The following CAMKMT variants were observed in gnomAD, a reference collection of about 807,000 sequenced individuals.
The protein encoded by CAMKMT is CaM KMT.
A neutral mutation model predicts 48.0 loss-of-function variants in CAMKMT; 53 were observed. The ratio of observed to expected loss-of-function variants is 1.10; its 90% confidence interval spans 0.89 to 1.39. CAMKMT has a LOEUF of 1.39. CAMKMT is among the 40% of genes most tolerant of loss of function. CAMKMT has a pLI of 0.00. For synonymous variants in CAMKMT, 165 were observed against 152.3 expected (o/e 1.08, Z -0.61); for missense variants, 428 against 402.7 (o/e 1.06, Z -0.54).
At chr2:44,672,072 A>G in intron 3 of CAMKMT, among the ~76,000 whole-genome samples, 1 of 152,044 alleles carries the variant, frequency 6.6e-6, no homozygotes, top group Non-Finnish European at 1.5e-5. Flanking sequence ...ACTCAATACC[A>G]TTCTCCCTGA....
chr2:44,564,359 G>T (rs1273583729), intron 3 of CAMKMT, among the ~76,000 whole-genome samples: 1 of 151,768 alleles, frequency 6.6e-6, no homozygotes. Context: ...ATTTTTAATA[G>T]AAACGGGGTT....
intron 3 of CAMKMT, among the ~76,000 whole-genome samples, chr2:44,444,766 G>T (rs1666878281): frequency 6.6e-6 from 1 of 152,182 alleles, no homozygotes; most frequent in Non-Finnish European, 1.5e-5. Context: ...GGGGAAGTAA[G>T]AGCATGGGAG....
At chr2:44,706,580 C>T (rs889745250) in intron 5 of CAMKMT, among the ~76,000 whole-genome samples, 1 of 151,860 alleles carries the variant, frequency 6.6e-6, no homozygotes, top group Non-Finnish European at 1.5e-5. Context: ...ACATTCCAGG[C>T]CTCGCACAGT....
chr2:44,750,505 AG>A (rs769041960), intron 8 of CAMKMT, among the ~76,000 whole-genome samples: 4 of 152,308 alleles, frequency 2.6e-5, no homozygotes, highest in Non-Finnish European at 4.4e-5. Context: ...TTTATTAAGT[AG>A]AAGACAGTCC....
At chr2:44,519,865 CT>C (rs1671012508) in intron 3 of CAMKMT, among the ~76,000 whole-genome samples, 1 of 152,114 alleles carries the variant, frequency 6.6e-6, no homozygotes, top group Non-Finnish European at 1.5e-5. Context: ...CCTCAGCCTC[CT>C]GAGTAGCTGG....
intron 3 of CAMKMT, among the ~76,000 whole-genome samples, chr2:44,600,743 C>G (rs1670937846): frequency 6.6e-6 from 1 of 152,030 alleles, no homozygotes; most frequent in African/African-American, 2.4e-5. Flanking sequence ...TTTGTTATTC[C>G]TATAGTTTTT....
intron 7 of CAMKMT, among the ~76,000 whole-genome samples, chr2:44,720,657 A>G (rs1413160693): frequency 6.6e-6 from 1 of 152,206 alleles, no homozygotes; most frequent in Non-Finnish European, 1.5e-5. Context: ...GCAGTGAGAC[A>G]CATCTTTACA....
At position 44,772,214 on chromosome 2, in the gene CAMKMT, T is replaced by C; in HGVS notation, c.*101T>C. The C allele has an allele frequency of 1.1e-6, 1 of 926,906 alleles. No individual in the cohort carries two copies. The highest frequency in any genetic ancestry group is 1.7e-6 in the Non-Finnish European group (1 of 591,960). 57.4% of individuals were successfully genotyped at this position (926,906 alleles called of 1,614,324 possible). A position where few individuals can be genotyped will look rare whatever the true frequency, so the allele number is the denominator to read the frequency against. Reference sequence around the variant, plus strand: ...GGGGTATAATCGCCTGCCTGCGCCCTTTGCAGCATTTCACGTGTGGGCTAT... The same window carrying C: ...GGGGTATAATCGCCTGCCTGCGCCCCTTGCAGCATTTCACGTGTGGGCTAT... On this transcript the variant is annotated 3_prime_UTR_variant, in exon 11 of 11. Coordinates refer to ENST00000378494, the MANE Select transcript of CAMKMT (RefSeq NM_024766.5).
intron 3 of CAMKMT, among the ~76,000 whole-genome samples, chr2:44,530,675 T>G (rs1442367099): frequency 6.6e-6 from 1 of 152,120 alleles, no homozygotes; most frequent in Non-Finnish European, 1.5e-5. Context: ...GATGAATTAT[T>G]TAGTATTTTT....
intron 3 of CAMKMT, among the ~76,000 whole-genome samples, chr2:44,544,476 T>C (rs1667288623): frequency 6.6e-6 from 1 of 152,216 alleles, no homozygotes; most frequent in African/African-American, 2.4e-5. Flanking sequence ...GTCAGATTTC[T>C]CTTGCTGTTT....
rs187202468 is a variant in CAMKMT, at chr2:44,740,850, T to G, written c.624-2772T>G. Reference sequence around the variant, plus strand: ...AAAGATAAATATTAGGGAAGTGGGATAGTGACATGGTGATAAGATCAGTGT... The same window carrying G: ...AAAGATAAATATTAGGGAAGTGGGAGAGTGACATGGTGATAAGATCAGTGT... On this transcript the variant is annotated intron_variant, in intron 7 of 10. Transcript: ENST00000378494. Among the ~76,000 whole-genome samples, 232 of 152,196 alleles carry G rather than the reference T, an allele frequency of 1.5e-3. 1 individual carries two copies. Among genetic ancestry groups the G allele is most frequent in the Non-Finnish European group, 2.7e-3 (184 of 67,994 alleles).
chr2:44,421,849 TG>T (rs1174741602), intron 3 of CAMKMT, among the ~76,000 whole-genome samples: 1 of 152,196 alleles, frequency 6.6e-6, no homozygotes, highest in Admixed American at 6.5e-5. Context: ...GTCGAGTTTT[TG>T]GTTGCAAAGT....
In CAMKMT at chr2:44,390,229, A is replaced by T; in HGVS notation, c.312-12A>T. ...TCAGAATCATTAAAGCAAACGCTTT[A>T]CTCCTTTCTAGGCATAATAGTGGAT... On this transcript the variant is annotated splice_polypyrimidine_tract_variant and intron_variant, in intron 2 of 10. Transcript: ENST00000378494. 6.3e-7 allele frequency: 1 copy of T among 1,596,690 alleles called. No individual in the cohort carries two copies.
At chr2:44,407,248 G>T (rs945640752) in intron 3 of CAMKMT, among the ~76,000 whole-genome samples, 2 of 152,146 alleles carry the variant, frequency 1.3e-5, no homozygotes, top group Non-Finnish European at 2.9e-5. Flanking sequence ...GCTTTCAGCA[G>T]ACTTTGCACC....
chr2:44,622,845 A>G (rs1209960822), intron 3 of CAMKMT, among the ~76,000 whole-genome samples: 2 of 152,192 alleles, frequency 1.3e-5, no homozygotes, highest in African/African-American at 4.8e-5. Context: ...CTTTGAGTAT[A>G]TATCCAGTAA....
chr2:44,640,150 A>C (rs1166778645), intron 3 of CAMKMT, among the ~76,000 whole-genome samples: 2 of 152,212 alleles, frequency 1.3e-5, no homozygotes, highest in African/African-American at 4.8e-5. Context: ...ATGTGTCATC[A>C]AATAGGAAGA....
intron 3 of CAMKMT, among the ~76,000 whole-genome samples, chr2:44,647,557 TG>T (rs1673803189): frequency 6.6e-6 from 1 of 152,102 alleles, no homozygotes; most frequent in African/African-American, 2.4e-5. Context: ...CTGTGGTAAC[TG>T]AAACTTGAAC....
At chr2:44,478,992 C>T (rs1170908068) in intron 3 of CAMKMT, among the ~76,000 whole-genome samples, 1 of 152,184 alleles carries the variant, frequency 6.6e-6, no homozygotes, top group Non-Finnish European at 1.5e-5. Context: ...AGCCACCGCG[C>T]CCGGCAATTG....
intron 3 of CAMKMT, among the ~76,000 whole-genome samples, chr2:44,402,428 A>G (rs1008459474): frequency 6.6e-6 from 1 of 151,550 alleles, no homozygotes; most frequent in Non-Finnish European, 1.5e-5. Context: ...GAGTAGTCCA[A>G]TGCTATTCTA....
Sources: gnomAD v4.1 joint callset for allele counts (sites outside exome capture counted in the v4.1 genomes callset) on GRCh38, gnomAD v4.1.1 for gene constraint, MANE v1.5 for transcripts, NCBI Gene and HGNC (gene_info 2026-07-23, HGNC 2026-07-21) for gene names.